Variants in GRID2 observed in about 807,000 individuals in gnomAD.
GRID2 encodes the protein glutamate receptor ionotropic, delta-2.
Under a neutral mutation model 114.8 loss-of-function variants are expected in GRID2, and 33 were observed. That is an observed-to-expected ratio of 0.29 (90% confidence interval 0.22 to 0.38). The LOEUF (loss-of-function observed/expected upper bound fraction) is 0.38, where lower values mean the gene tolerates loss of function less well. Ranked by LOEUF, GRID2 falls within the 10% of genes least tolerant of loss-of-function variation. GRID2 has a pLI of 1.00. For missense variants in GRID2, 1,184 were observed against 1,257.7 expected (o/e 0.94, Z 0.89); for synonymous variants, 505 against 449.9 (o/e 1.12, Z -1.55).
chr4:93,264,875 C>T (rs1330784906), intron 8 of GRID2, among the ~76,000 whole-genome samples: 2 of 151,146 alleles, frequency 1.3e-5, no homozygotes, highest in African/African-American at 4.9e-5. Context: ...CTCTGCCTCC[C>T]AGATTCAAGT....
At chr4:92,631,759 T>G (rs1488453174) in intron 2 of GRID2, among the ~76,000 whole-genome samples, 1 of 152,158 alleles carries the variant, frequency 6.6e-6, no homozygotes, top group African/African-American at 2.4e-5. Context: ...AATAGATTTT[T>G]AGGATATTGT....
chr4:92,791,842 G>A (rs562211991), intron 2 of GRID2, among the ~76,000 whole-genome samples: 2 of 151,906 alleles, frequency 1.3e-5, no homozygotes, highest in East Asian at 3.9e-4. Context: ...ATACAAACTC[G>A]AATTGGAAGA....
chr4:92,811,162 C>A (rs1272895540), intron 2 of GRID2, among the ~76,000 whole-genome samples: 2 of 152,056 alleles, frequency 1.3e-5, no homozygotes, highest in Admixed American at 6.6e-5. Flanking sequence ...CCAAAAATAT[C>A]TTTTTGCAGT....
At chr4:93,588,927 G>A (rs912381480) in intron 13 of GRID2, among the ~76,000 whole-genome samples, 2 of 151,978 alleles carry the variant, frequency 1.3e-5, no homozygotes, top group South Asian at 2.1e-4. Context: ...AAGTTCAATG[G>A]GGCATGAACT....
intron 1 of GRID2, among the ~76,000 whole-genome samples, chr4:93,805,261 T>C (rs1735007923): frequency 6.6e-6 from 1 of 152,268 alleles, no homozygotes; most frequent in Non-Finnish European, 1.5e-5. Flanking sequence ...GATTTAAACA[T>C]AGTTAAATAA....
intron 2 of GRID2, among the ~76,000 whole-genome samples, chr4:92,709,058 T>C (rs1028110865): frequency 6.6e-6 from 1 of 152,204 alleles, no homozygotes; most frequent in Admixed American, 6.5e-5. Context: ...AGAAGGAGCC[T>C]GAGTCCTGTA....
At chr4:92,611,639 T>C (rs991973308) in intron 2 of GRID2, among the ~76,000 whole-genome samples, 5 of 151,628 alleles carry the variant, frequency 3.3e-5, no homozygotes, top group Admixed American at 2.0e-4. Context: ...CTTATGTAAC[T>C]GGACAGCTGT....
intron 1 of GRID2, among the ~76,000 whole-genome samples, chr4:93,780,962 G>C (rs868496908): frequency 6.6e-6 from 1 of 152,200 alleles, no homozygotes; most frequent in African/African-American, 2.4e-5. Context: ...GATACAGAGC[G>C]TAGATAGGTA....
Position 92,438,353 on chromosome 4 carries a change from C to T in GRID2, c.88+133609C>T, listed in dbSNP as rs139186934. On this transcript the variant is annotated intron_variant, in intron 1 of 15. Coordinates refer to ENST00000282020, the MANE Select transcript of GRID2 (RefSeq NM_001510.4). The stretch of plus-strand genomic sequence containing the variant: ...ATAGGCTGCCAGGAATCTCGGAGCA[C>T]ATATACTCAGATGCAATGATTGATT... 3.7e-4 allele frequency among the ~76,000 whole-genome samples: 56 copies of T among 152,112 alleles called. No individual in the cohort carries two copies. In the East Asian group the frequency reaches 0.01, roughly 28 times the overall value.
At chr4:93,596,672 C>T (rs1739136786) in intron 13 of GRID2, among the ~76,000 whole-genome samples, 3 of 152,106 alleles carry the variant, frequency 2.0e-5, no homozygotes, top group Non-Finnish European at 2.9e-5. Context: ...GTAAAAATTA[C>T]GTTACATTGT....
Position 93,774,278 on chromosome 4 carries a change from C to CTTGT in GRID2, c.*1780_*1781insTTGT, listed in dbSNP as rs1734295183. The CTTGT allele has an allele frequency of 2.0e-5, 3 of 151,996 alleles. No individual in the cohort carries two copies. Among genetic ancestry groups the CTTGT allele is most frequent in the Non-Finnish European group, 4.4e-5 (3 of 67,948 alleles). 9.4% of individuals were successfully genotyped at this position (151,996 alleles called of 1,614,324 possible). On this transcript the variant is annotated 3_prime_UTR_variant, in exon 16 of 16. Coordinates refer to ENST00000282020, the MANE Select transcript of GRID2 (RefSeq NM_001510.4). ...GGTAACAAGTAACTAAGTGCATGCA[C>CTTGT]AACTTGTTTTCCCTTGTAACATTCA...
intron 1 of GRID2, among the ~76,000 whole-genome samples, chr4:92,390,051 T>A (rs982807440): frequency 6.6e-6 from 1 of 152,098 alleles, no homozygotes; most frequent in African/African-American, 2.4e-5. Flanking sequence ...AGTCCTCTTT[T>A]AAAAAAATCT....
chr4:93,592,510 G>C (rs1239406056), intron 13 of GRID2, among the ~76,000 whole-genome samples: 1 of 151,994 alleles, frequency 6.6e-6, no homozygotes, highest in African/African-American at 2.4e-5. Flanking sequence ...GTGTGGTGTG[G>C]TGCTGAAAAA....
intron 12 of GRID2, among the ~76,000 whole-genome samples, chr4:93,492,130 A>G (rs770272280): frequency 6.6e-6 from 1 of 151,922 alleles, no homozygotes; most frequent in Non-Finnish European, 1.5e-5. Flanking sequence ...CCCCATAAGC[A>G]TCATACTTTA....
chr4:92,758,665 A>T (rs1737843881), intron 2 of GRID2, among the ~76,000 whole-genome samples: 1 of 152,156 alleles, frequency 6.6e-6, no homozygotes, highest in African/African-American at 2.4e-5. Flanking sequence ...AATACTTCTA[A>T]CAATAATAAT....
intron 2 of GRID2, among the ~76,000 whole-genome samples, chr4:92,744,356 C>T (rs1015035572): frequency 2.6e-5 from 4 of 152,012 alleles, no homozygotes; most frequent in African/African-American, 9.6e-5. Context: ...GGTGTGGTGG[C>T]ACACGCCTGT....
intron 2 of GRID2, among the ~76,000 whole-genome samples, chr4:92,598,090 G>A (rs996015939): frequency 1.3e-5 from 2 of 152,196 alleles, no homozygotes; most frequent in East Asian, 3.9e-4. Flanking sequence ...ATAGTCTTTT[G>A]GGACTCATGC....
chr4:93,274,725 G>A (rs1361351970), intron 8 of GRID2, among the ~76,000 whole-genome samples: 2 of 152,016 alleles, frequency 1.3e-5, no homozygotes, highest in Non-Finnish European at 2.9e-5. Context: ...AAGGCTGGCT[G>A]TGCATAAAGG....
chr4:92,931,780 A>G (rs993732682), intron 2 of GRID2, among the ~76,000 whole-genome samples: 2 of 151,150 alleles, frequency 1.3e-5, no homozygotes, highest in Admixed American at 6.6e-5. Context: ...CCGTAAGAAT[A>G]TTTCAGCAAA....
Sources: allele counts gnomAD v4.1 joint callset (sites outside exome capture counted in the v4.1 genomes callset), GRCh38; gene constraint gnomAD v4.1.1; transcripts MANE v1.5; gene names NCBI Gene and HGNC (gene_info 2026-07-23, HGNC 2026-07-21).